Variants in NOP14 observed in about 807,000 individuals in gnomAD.
NOP14 encodes NOP14 nucleolar protein, also known as nucleolar protein 14.
A neutral mutation model predicts 101.6 loss-of-function variants in NOP14; 57 were observed. The observed-to-expected ratio is 0.56, with a 90% CI of 0.45 to 0.70. The LOEUF is 0.70. Ranked by LOEUF, NOP14 falls within the 30% of genes least tolerant of loss-of-function variation. The pLI is 0.00. For synonymous variants in NOP14, 428 were observed against 424.0 expected (o/e 1.01, Z -0.12); for missense variants, 1,134 against 1,075.5 (o/e 1.05, Z -0.76).
At chr4:2,962,384 T>C (rs1037546962) in intron 1 of NOP14, among the ~76,000 whole-genome samples, 1 of 152,146 alleles carries the variant, frequency 6.6e-6, no homozygotes, top group African/African-American at 2.4e-5. Context: ...GTAAGGATAA[T>C]ATGTGTTTTG....
chr4:2,956,468 C>T (rs1478905412), intron 3 of NOP14, among the ~76,000 whole-genome samples: 1 of 152,016 alleles, frequency 6.6e-6, no homozygotes, highest in Non-Finnish European at 1.5e-5. Flanking sequence ...TATCTACACA[C>T]CATCTTAAAG....
chr4:2,961,642 G>A (rs903120961), intron 1 of NOP14: 1 of 152,280 alleles, frequency 6.6e-6, no homozygotes, highest in African/African-American at 2.4e-5. Context: ...GGGACAATGT[G>A]CCTTTGCATG....
At chr4:2,943,000 C>G (rs575388038) in intron 13 of NOP14, among the ~76,000 whole-genome samples, 1 of 152,216 alleles carries the variant, frequency 6.6e-6, no homozygotes, top group African/African-American at 2.4e-5. Flanking sequence ...TCCCCAAAGC[C>G]GAGATGCCCA....
intron 9 of NOP14, 58 bp from the exon 10 acceptor site, chr4:2,947,669 C>A: frequency 7.4e-7 from 1 of 1,355,288 alleles, no homozygotes. Flanking sequence ...AACAAAGCCA[C>A]AGGCACACAG....
chr4:2,941,792 ACGTGGC>A, intron 14 of NOP14, 63 bp from the exon 15 acceptor site: 1 of 1,543,984 alleles, frequency 6.5e-7, no homozygotes, highest in Admixed American at 2.0e-5. Context: ...AAAACCAATA[ACGTGGC>A]AAAAATGAAC....
At chr4:2,954,363 A>G in intron 4 of NOP14, 61 bp downstream of exon 4, 1 of 1,572,636 alleles carries the variant, frequency 6.4e-7, no homozygotes, top group Non-Finnish European at 8.6e-7. Flanking sequence ...AAAAGCTCAA[A>G]CACATTTTGG....
chr4:2,949,933 C>T lies in NOP14; in HGVS notation c.1282+1G>A. On this transcript the variant is annotated splice_donor_variant, in intron 8 of 17. Transcript: ENST00000416614. LOFTEE classifies it high-confidence loss of function. Reference sequence around the variant, plus strand: ...CTGAGGAAACCCGCGCACTTGCCCACCTGCGAACGTGTAGGGCAGCTCGTC... The same window carrying T: ...CTGAGGAAACCCGCGCACTTGCCCATCTGCGAACGTGTAGGGCAGCTCGTC... 1 of 1,614,040 alleles carries T rather than the reference C, an allele frequency of 6.2e-7. No homozygotes were observed. Among genetic ancestry groups the T allele is most frequent in the Non-Finnish European group, 8.5e-7 (1 of 1,179,908 alleles).
intron 1 of NOP14, chr4:2,961,507 C>G (rs1014174488): frequency 2.0e-5 from 3 of 152,142 alleles, no homozygotes; most frequent in African/African-American, 7.2e-5. Context: ...AAGGGACTAA[C>G]CCACATGAAA....
At chr4:2,952,680 G>A (rs575426200) in intron 5 of NOP14, among the ~76,000 whole-genome samples, 71 of 152,252 alleles carry the variant, frequency 4.7e-4, no homozygotes, top group African/African-American at 1.6e-3. Context: ...AGTGGCTCAC[G>A]CCTGTAATCC....
chr4:2,949,783 A>G lies in NOP14; in HGVS notation c.1282+151T>C. Reference sequence around the variant, plus strand: ...GACCACTCACTCTAAGACCTGGATCAGCAGACACAGGGGTGTGTCCAGGCA... The same window carrying G: ...GACCACTCACTCTAAGACCTGGATCGGCAGACACAGGGGTGTGTCCAGGCA... On this transcript the variant is annotated intron_variant, in intron 8 of 17. Coordinates refer to ENST00000416614, the MANE Select transcript of NOP14 (RefSeq NM_001291978.2). 3.6e-6 allele frequency: 3 copies of G among 822,794 alleles called. No individual in the cohort carries two copies. The South Asian group carries it at 5.0e-5, about 14-fold the overall frequency. The allele number at this position is 822,794 out of a possible 1,614,324, so 51.0% of individuals were successfully genotyped here. A position where few individuals can be genotyped will look rare whatever the true frequency, so the allele number is the denominator to read the frequency against.
At chr4:2,943,505 A>C (rs1352653491) in intron 13 of NOP14, among the ~76,000 whole-genome samples, 2 of 152,174 alleles carry the variant, frequency 1.3e-5, no homozygotes, top group African/African-American at 2.4e-5. Context: ...GGAGGAGCAC[A>C]GGGGCTGGGG....
rs760268654 is a variant in NOP14 at position 2,950,007 on chromosome 4, A to G, written c.1209T>C (p.Pro403=). 2 of 1,613,944 alleles carry G rather than the reference A, an allele frequency of 1.2e-6. No individual in the cohort carries two copies. The highest frequency in any genetic ancestry group is 2.7e-5 in the African/African-American group (2 of 74,870). Residue 403 remains proline (P), a synonymous_variant, in exon 8 of 18, where the codon CCT becomes CCC. Transcript: ENST00000416614. ...EKPAKEQRQT[P]GKGLISGKER... ...CCTTGCCGCTTATCAACCCTTTCCC[A>G]GGAGTCTGCCTCTGCTCTTTTGCTG... is the stretch of plus-strand genomic sequence containing the variant.
chr4:2,959,639 A>G (rs1185614644), intron 1 of NOP14, among the ~76,000 whole-genome samples: 2 of 152,062 alleles, frequency 1.3e-5, no homozygotes, highest in African/African-American at 4.8e-5. Flanking sequence ...CTTGGGTACA[A>G]TTTCCTGAAC....
chr4:2,961,151 AATAAT>A lies in NOP14; in HGVS notation c.195+1969_195+1973del, dbSNP rs1339221792. On this transcript the variant is annotated intron_variant, in intron 1 of 17. Transcript: ENST00000416614. ...TAATAATATATTAATATACTAATAT[AATAAT>A]ATATTAATATGCTATTACAATAATA... Among the ~76,000 whole-genome samples, 13 of 37,812 alleles carry A rather than the reference AATAAT, an allele frequency of 3.4e-4. 1 individual carries two copies. The highest frequency in any genetic ancestry group is 2.2e-3 in the African/African-American group (13 of 5,950). The allele number at this position is 37,812 out of a possible 152,430, so 24.8% of individuals were successfully genotyped here.
intron 12 of NOP14, among the ~76,000 whole-genome samples, 187 bp from the exon 13 acceptor site, chr4:2,944,413 T>C (rs563894667): frequency 6.6e-6 from 1 of 151,622 alleles, no homozygotes; most frequent in East Asian, 1.9e-4. Context: ...CTTTAGTGAT[T>C]TTTTTTTCCC....
chr4:2,938,152 T>C lies in NOP14; in HGVS notation c.*679A>G. On this transcript the variant is annotated 3_prime_UTR_variant, in exon 18 of 18. Coordinates refer to ENST00000416614, the MANE Select transcript of NOP14 (RefSeq NM_001291978.2). Reference sequence around the variant, plus strand: ...CATTCTATTTCATCAGGTGACGTTTTAACAGAAACAAAACCGCAGGCAGCG... The same window carrying C: ...CATTCTATTTCATCAGGTGACGTTTCAACAGAAACAAAACCGCAGGCAGCG... The C allele has an allele frequency of 7.9e-7, 1 of 1,271,674 alleles. No individual in the cohort carries two copies. The highest frequency in any genetic ancestry group is 1.0e-6 in the Non-Finnish European group (1 of 976,124). The allele number at this position is 1,271,674 out of a possible 1,614,324, so 78.8% of individuals were successfully genotyped here. A position where few individuals can be genotyped will look rare whatever the true frequency, so the allele number is the denominator to read the frequency against.
At position 2,939,402 on chromosome 4, in the gene NOP14, G is replaced by C. The variant is rs1713958602; in HGVS notation, c.2319-59C>G. The C allele has an allele frequency of 4.3e-6, 7 of 1,610,020 alleles. No individual in the cohort carries two copies. The South Asian group carries it at 7.7e-5, about 18-fold the overall frequency. On this transcript the variant is annotated intron_variant, in intron 16 of 17. Transcript: ENST00000416614. ...AGTCTGTCCCCACCTCTCAGCCAGA[G>C]CCTGCTTGGGAGTGTGGCTTCACTC...
At chr4:2,944,942 C>G (rs987047490) in intron 12 of NOP14, among the ~76,000 whole-genome samples, 186 bp downstream of exon 12, 19 of 152,228 alleles carry the variant, frequency 1.2e-4, no homozygotes, top group Non-Finnish European at 1.9e-4. Context: ...CCTCCCACTC[C>G]CACCCACATC....
chr4:2,960,859 T>C (rs1001186450), intron 1 of NOP14, among the ~76,000 whole-genome samples: 2 of 111,712 alleles, frequency 1.8e-5, no homozygotes, highest in African/African-American at 7.4e-5. Context: ...ATTATCAATA[T>C]ATTAATATTA....
Sources: allele counts gnomAD v4.1 joint callset (sites outside exome capture counted in the v4.1 genomes callset), GRCh38; gene constraint gnomAD v4.1.1; transcripts MANE v1.5; gene names NCBI Gene and HGNC (gene_info 2026-07-23, HGNC 2026-07-21).